BLTP3B: variants seen among roughly 807,000 people sequenced by gnomAD.
BLTP3B encodes the protein bridge-like lipid transfer protein family member 3B, also known as UHRF1 (ICBP90) binding protein 1-like.
the BLTP3B span, among the ~76,000 whole-genome samples, chr12:100,085,654 C>G: frequency 6.6e-6 from 1 of 152,100 alleles, no homozygotes; most frequent in South Asian, 2.1e-4. Context: ...CTGGAAAACT[C>G]TATGATCTCT....
chr12:100,116,452 AAAAAAAAAAAAAAAG>A, the BLTP3B span, among the ~76,000 whole-genome samples: 1 of 150,092 alleles, frequency 6.7e-6, no homozygotes, highest in Admixed American at 6.6e-5. Flanking sequence ...CTGTCTCAAA[AAAAAAAAAAAAAAAG>A]AAAAGAAAAA....
chr12:100,073,125 T>C, the BLTP3B span, among the ~76,000 whole-genome samples: 9 of 152,118 alleles, frequency 5.9e-5, no homozygotes, highest in Admixed American at 1.3e-4. Context: ...TCAGATAATA[T>C]AGATAAGTAA....
the BLTP3B span, among the ~76,000 whole-genome samples, chr12:100,077,979 A>T: frequency 5.3e-4 from 81 of 152,298 alleles, 1 homozygote; most frequent in African/African-American, 1.8e-3. Flanking sequence ...CTACTGTGTA[A>T]TAAGGAAATT....
At chr12:100,077,274 T>C in the BLTP3B span, among the ~76,000 whole-genome samples, 2 of 152,178 alleles carry the variant, frequency 1.3e-5, no homozygotes, top group African/African-American at 2.4e-5. Flanking sequence ...TACAGTAACA[T>C]GATATACAAG....
At chr12:100,105,995 A>T in the BLTP3B span, among the ~76,000 whole-genome samples, 5 of 152,150 alleles carry the variant, frequency 3.3e-5, no homozygotes, top group Non-Finnish European at 7.4e-5. Flanking sequence ...CAAATTAAAA[A>T]CACATTGAGA....
the BLTP3B span, among the ~76,000 whole-genome samples, chr12:100,096,984 G>T: frequency 6.6e-6 from 1 of 152,166 alleles, no homozygotes; most frequent in South Asian, 2.1e-4. Flanking sequence ...AGAAGCTGAA[G>T]TGGGACAATC....
the BLTP3B span, among the ~76,000 whole-genome samples, chr12:100,124,974 A>ATATATATATATTTATATT: frequency 2.0e-5 from 2 of 100,428 alleles, no homozygotes; most frequent in African/African-American, 1.1e-4. Context: ...ATATATATAT[A>ATATATATATATTTATATT]TATATTTATA....
At chr12:100,127,638 T>C in the BLTP3B span, among the ~76,000 whole-genome samples, 1 of 152,214 alleles carries the variant, frequency 6.6e-6, no homozygotes, top group Non-Finnish European at 1.5e-5. Context: ...TTTTATAACA[T>C]AATTGCTTTC....
At chr12:100,139,478 C>T in the BLTP3B span, among the ~76,000 whole-genome samples, 1 of 152,104 alleles carries the variant, frequency 6.6e-6, no homozygotes, top group Non-Finnish European at 1.5e-5. Context: ...GGGTTATTTC[C>T]TTACCGGAAG....
the BLTP3B span, among the ~76,000 whole-genome samples, chr12:100,038,962 C>T: frequency 2.0e-5 from 3 of 152,124 alleles, no homozygotes; most frequent in Non-Finnish European, 4.4e-5. Context: ...TGACACAGTA[C>T]GTTGTGACTA....
the BLTP3B span, among the ~76,000 whole-genome samples, chr12:100,129,035 G>A: frequency 6.6e-6 from 1 of 151,536 alleles, no homozygotes; most frequent in South Asian, 2.1e-4. Flanking sequence ...TACAAAAGCT[G>A]AACTGTATAA....
At chr12:100,059,422 G>T in the BLTP3B span, 1 of 1,613,926 alleles carries the variant, frequency 6.2e-7, no homozygotes, top group South Asian at 1.1e-5. Flanking sequence ...TCAGAATGTC[G>T]ACAGTTTGGA....
chr12:100,039,824 C>T, the BLTP3B span: 13 of 1,552,684 alleles, frequency 8.4e-6, no homozygotes, highest in East Asian at 3.0e-4. Flanking sequence ...GATAACATTT[C>T]CAAATACTTG....
chr12:100,073,079 C>T, the BLTP3B span, among the ~76,000 whole-genome samples: 1 of 152,002 alleles, frequency 6.6e-6, no homozygotes, highest in Non-Finnish European at 1.5e-5. Flanking sequence ...TTATTGTGAG[C>T]CTTAAAAACA....
the BLTP3B span, among the ~76,000 whole-genome samples, chr12:100,045,992 T>C: frequency 1.3e-5 from 2 of 152,168 alleles, no homozygotes; most frequent in Non-Finnish European, 2.9e-5. Flanking sequence ...TCATCACTGG[T>C]CATCACAGAA....
the BLTP3B span, chr12:100,037,661 T>C: frequency 6.2e-7 from 1 of 1,609,782 alleles, no homozygotes; most frequent in Non-Finnish European, 8.5e-7. Flanking sequence ...CTTCTTTATA[T>C]GATGAAGAAG....
At chr12:100,044,679 A>G in the BLTP3B span, among the ~76,000 whole-genome samples, 1 of 152,224 alleles carries the variant, frequency 6.6e-6, no homozygotes, top group African/African-American at 2.4e-5. Context: ...AGATTATAAA[A>G]AAGTGTCACT....
chr12:100,045,386 A>G, the BLTP3B span, among the ~76,000 whole-genome samples: 1 of 151,852 alleles, frequency 6.6e-6, no homozygotes, highest in Non-Finnish European at 1.5e-5. Context: ...AGATACATAG[A>G]TCAGTGGAAC....
chr12:100,130,921 A>AATAC, the BLTP3B span, among the ~76,000 whole-genome samples: 1,737 of 127,654 alleles, frequency 0.014, 36 homozygotes, highest in Admixed American at 0.039. Context: ...ATCTCAAAAA[A>AATAC]ATACATACAT....
Sources: gnomAD v4.1 joint callset for allele counts (sites outside exome capture counted in the v4.1 genomes callset) on GRCh38, gnomAD v4.1.1 for gene constraint, MANE v1.5 for transcripts, NCBI Gene and HGNC (gene_info 2026-07-23, HGNC 2026-07-21) for gene names.